The following NAA50 variants were observed in gnomAD, a reference collection of about 807,000 sequenced individuals.
NAA50 encodes the protein N-alpha-acetyltransferase 50.
In NAA50, 7 loss-of-function variants were observed where a neutral mutation model predicts 20.7. That is an observed-to-expected ratio of 0.34 (90% CI 0.19 to 0.63). The LOEUF (loss-of-function observed/expected upper bound fraction) is 0.63, where lower values mean the gene tolerates loss of function less well. Ranked by LOEUF, NAA50 falls within the 30% of genes least tolerant of loss-of-function variation. NAA50 has a pLI of 0.75. For missense variants in NAA50, 111 were observed against 199.1 expected, an observed-to-expected ratio of 0.56 and a Z score of 2.66; for synonymous variants, 54 against 70.6, an observed-to-expected ratio of 0.77 and a Z score of 1.18.
At chr3:113,733,497 A>G (rs1370511045) in intron 1 of NAA50, among the ~76,000 whole-genome samples, 1 of 152,120 alleles carries the variant, frequency 6.6e-6, no homozygotes, top group Non-Finnish European at 1.5e-5. Context: ...ATATCAGATC[A>G]TAAGATAATA....
chr3:113,723,610 A>G (rs1466865616), intron 2 of NAA50, 69 bp from the exon 3 acceptor site: 1 of 1,467,510 alleles, frequency 6.8e-7, no homozygotes. Flanking sequence ...TTTCCCTTTT[A>G]AAGGACTACA....
At position 113,733,716 on chromosome 3, in the gene NAA50, G is replaced by A. The variant is rs545621341; in HGVS notation, c.9-9621C>T. ...AAAGTACCAAAAATTAGCCAGGTGT[G>A]GTGGCGCACACCTGTAATCCCAGCT... is the stretch of plus-strand genomic sequence containing the variant. On this transcript the variant is annotated intron_variant, in intron 1 of 4. Transcript: ENST00000240922. Among the ~76,000 whole-genome samples the A allele has an allele frequency of 6.6e-5, 10 of 151,792 alleles. No homozygotes were observed. In the South Asian group the frequency reaches 2.1e-3, roughly 32 times the overall value.
At chr3:113,745,715 G>A in intron 1 of NAA50, 2 of 531,002 alleles carry the variant, frequency 3.8e-6, no homozygotes, top group Non-Finnish European at 6.5e-6. Flanking sequence ...TCTCCGAACC[G>A]AAACCCTGAA....
chr3:113,742,095 A>C (rs1708424742), intron 1 of NAA50, among the ~76,000 whole-genome samples: 1 of 152,234 alleles, frequency 6.6e-6, no homozygotes. Context: ...GGCACATTAC[A>C]AAGTATTTGT....
At chr3:113,735,762 C>T (rs1022872143) in intron 1 of NAA50, among the ~76,000 whole-genome samples, 1 of 152,224 alleles carries the variant, frequency 6.6e-6, no homozygotes, top group Non-Finnish European at 1.5e-5. Flanking sequence ...CAGCTTACTG[C>T]AACCTCTGCC....
At chr3:113,741,080 G>T in intron 1 of NAA50, 1 of 519,962 alleles carries the variant, frequency 1.9e-6, no homozygotes. Context: ...TCCACATACA[G>T]CATTAATTGT....
chr3:113,735,576 C>G (rs1016743780), intron 1 of NAA50, among the ~76,000 whole-genome samples: 1 of 152,220 alleles, frequency 6.6e-6, no homozygotes, highest in Admixed American at 6.5e-5. Context: ...ACAATGTAGA[C>G]TATCTTAATT....
intron 1 of NAA50, among the ~76,000 whole-genome samples, chr3:113,731,043 T>C (rs1212124216): frequency 1.3e-5 from 2 of 152,198 alleles, no homozygotes; most frequent in Non-Finnish European, 2.9e-5. Context: ...AACAGGTATG[T>C]AGTGACAATT....
intron 1 of NAA50, among the ~76,000 whole-genome samples, chr3:113,737,024 A>C (rs1422813745): frequency 6.6e-6 from 1 of 152,164 alleles, no homozygotes; most frequent in Non-Finnish European, 1.5e-5. Flanking sequence ...CTAAACCCCC[A>C]AGAGACAAAT....
intron 1 of NAA50, among the ~76,000 whole-genome samples, chr3:113,734,861 CA>C (rs1303943325): frequency 1.3e-5 from 2 of 152,082 alleles, no homozygotes; most frequent in Admixed American, 6.5e-5. Flanking sequence ...AAACTAGTGT[CA>C]AACGCTTTTA....
At position 113,745,994 on chromosome 3, in the gene NAA50, G is replaced by A. The variant is rs947091994; in HGVS notation, c.-45C>T. On this transcript the variant is annotated 5_prime_UTR_variant, in exon 1 of 5. It adds an upstream start codon to the 5' untranslated region. Coordinates refer to ENST00000240922, the MANE Select transcript of NAA50 (RefSeq NM_025146.4). ...CGTCGTTACCACCGATATCAACGCC[G>A]TCGTAGTCGCCGCCCTTAGGTCTCC... 1 of 1,605,242 alleles carries A rather than the reference G, an allele frequency of 6.2e-7. No individual in the cohort carries two copies.
intron 1 of NAA50, among the ~76,000 whole-genome samples, chr3:113,743,411 T>C (rs561018423): frequency 6.6e-6 from 1 of 152,336 alleles, no homozygotes; most frequent in South Asian, 2.1e-4. Flanking sequence ...GTTTCGTTTT[T>C]ACAGGCCATT....
At chr3:113,730,566 A>G (rs556608540) in intron 1 of NAA50, among the ~76,000 whole-genome samples, 1 of 152,330 alleles carries the variant, frequency 6.6e-6, no homozygotes, top group Non-Finnish European at 1.5e-5. Flanking sequence ...AAAATATACA[A>G]TTTAATTACT....
rs1012827745 is a variant in NAA50, at chr3:113,720,018, G to T, written c.*1742C>A. ...AAACTTTTCTTCTAAGCTTAGATTT[G>T]GATTGTTTAAGAAACGAATACCCCC... On this transcript the variant is annotated 3_prime_UTR_variant, in exon 5 of 5. Transcript: ENST00000240922. The T allele has an allele frequency of 2.0e-5, 3 of 152,548 alleles. No individual in the cohort carries two copies. Among genetic ancestry groups the T allele is most frequent in the Non-Finnish European group, 4.4e-5 (3 of 67,994 alleles). The allele number at this position is 152,548 out of a possible 1,614,324, so 9.4% of individuals were successfully genotyped here. A position where few individuals can be genotyped will look rare whatever the true frequency, so the allele number is the denominator to read the frequency against.
rs936773212 is a variant in NAA50 at position 113,718,489 on chromosome 3, T to C, written c.*3271A>G. 6.6e-6 allele frequency: 1 copy of C among 152,138 alleles called. No individual in the cohort carries two copies. Among genetic ancestry groups the C allele is most frequent in the Non-Finnish European group, 1.5e-5 (1 of 68,006 alleles). The allele number at this position is 152,138 out of a possible 1,614,324, so 9.4% of individuals were successfully genotyped here. ...GCTTCTTAAATGAAAAAAGCAAAAA[T>C]CTAATTATAACAATTTTGACTAGAA... On this transcript the variant is annotated 3_prime_UTR_variant, in exon 5 of 5. Coordinates refer to ENST00000240922, the MANE Select transcript of NAA50 (RefSeq NM_025146.4).
At chr3:113,738,903 A>G (rs903313185) in intron 1 of NAA50, among the ~76,000 whole-genome samples, 5 of 152,134 alleles carry the variant, frequency 3.3e-5, no homozygotes, top group African/African-American at 9.7e-5. Flanking sequence ...TTTTATTTCA[A>G]ATGACCTGGG....
chr3:113,716,662 T>A lies in NAA50; in HGVS notation c.*5098A>T, dbSNP rs1052951299. ...ACGAAAGCTACAGTGATTCAACATGTGCTTTAATTTATACTGCTTAGATCC... is the reference window on the plus strand; with the variant it reads ...ACGAAAGCTACAGTGATTCAACATGAGCTTTAATTTATACTGCTTAGATCC... On this transcript the variant is annotated 3_prime_UTR_variant, in exon 5 of 5. Coordinates refer to ENST00000240922, the MANE Select transcript of NAA50 (RefSeq NM_025146.4). 2 of 152,254 alleles carry A rather than the reference T, an allele frequency of 1.3e-5. No homozygotes were observed. Among genetic ancestry groups the A allele is most frequent in the African/African-American group, 4.8e-5 (2 of 41,472 alleles). 9.4% of individuals were successfully genotyped at this position (152,254 alleles called of 1,614,324 possible). A position where few individuals can be genotyped will look rare whatever the true frequency, so the allele number is the denominator to read the frequency against.
At chr3:113,724,137 C>T (rs751316294) in intron 1 of NAA50, 42 bp from the exon 2 acceptor site, 1 of 1,461,236 alleles carries the variant, frequency 6.8e-7, no homozygotes, top group Admixed American at 2.2e-5. Context: ...ATAATTAGCC[C>T]CATTTGTTAA....
At chr3:113,736,441 A>T (rs1047317029) in intron 1 of NAA50, among the ~76,000 whole-genome samples, 1 of 152,244 alleles carries the variant, frequency 6.6e-6, no homozygotes, top group Non-Finnish European at 1.5e-5. Context: ...CCACAAGATT[A>T]TAATTTCACG....
Sources: allele counts gnomAD v4.1 joint callset (sites outside exome capture counted in the v4.1 genomes callset), GRCh38; gene constraint gnomAD v4.1.1; transcripts MANE v1.5; gene names NCBI Gene and HGNC (gene_info 2026-07-23, HGNC 2026-07-21).